Variants in HSDL2 observed in about 807,000 individuals in gnomAD.
HSDL2 encodes hydroxysteroid dehydrogenase-like protein 2.
HSDL2 carries 27 observed loss-of-function variants against 46.3 expected under a neutral mutation model. The observed-to-expected ratio is 0.58, with a 90% CI of 0.43 to 0.80. The LOEUF (loss-of-function observed/expected upper bound fraction) is 0.80. Among genes scored for constraint, HSDL2 ranks in the 30% least tolerant of loss-of-function variants. The pLI, the probability that HSDL2 is intolerant of heterozygous loss-of-function variation, is 0.00. For missense variants in HSDL2, 451 were observed against 502.7 expected, an observed-to-expected ratio of 0.90 and a Z score of 0.98; for synonymous variants, 153 against 163.6, an observed-to-expected ratio of 0.94 and a Z score of 0.50.
At chr9:112,436,242 CAA>C (rs527930574) in intron 6 of HSDL2, among the ~76,000 whole-genome samples, 24,504 of 76,626 alleles carry the variant, frequency 0.32, 1,638 homozygotes, top group Middle Eastern at 0.39. Context: ...GACCCTATCT[CAA>C]AAAAAAAAAA....
At chr9:112,458,399 C>T (rs1833098874) in intron 9 of HSDL2, among the ~76,000 whole-genome samples, 1 of 149,862 alleles carries the variant, frequency 6.7e-6, no homozygotes, top group Non-Finnish European at 1.5e-5. Context: ...GATCTTGGCT[C>T]ACTGCAACCT....
chr9:112,390,401 C>T lies in HSDL2; in HGVS notation c.17+10221C>T, dbSNP rs117275953. On this transcript the variant is annotated intron_variant, in intron 1 of 10. Transcript: ENST00000398805. Reference sequence around the variant, plus strand: ...TATGTAGGGAAAAAATGTATTAGTCCCTTACTTCAGTTCATACACAAAAAT... The same window carrying T: ...TATGTAGGGAAAAAATGTATTAGTCTCTTACTTCAGTTCATACACAAAAAT... 3.7e-3 allele frequency among the ~76,000 whole-genome samples: 559 copies of T among 152,058 alleles called. 24 individuals are homozygous for T. In the East Asian group the frequency reaches 0.095, roughly 26 times the overall value.
intron 1 of HSDL2, among the ~76,000 whole-genome samples, chr9:112,384,746 C>CA (rs1831181516): frequency 6.7e-6 from 1 of 150,172 alleles, no homozygotes; most frequent in Non-Finnish European, 1.5e-5. Flanking sequence ...TGAACAAAAA[C>CA]AGAGTTTAGC....
chr9:112,381,939 G>C (rs1336188616), intron 1 of HSDL2, among the ~76,000 whole-genome samples: 1 of 152,052 alleles, frequency 6.6e-6, no homozygotes, highest in Non-Finnish European at 1.5e-5. Flanking sequence ...GAAATTGCTG[G>C]ATCAAAGAGT....
chr9:112,417,043 T>A, intron 5 of HSDL2, 99 bp downstream of exon 5: 1 of 477,166 alleles, frequency 2.1e-6, no homozygotes, highest in South Asian at 4.8e-5. Flanking sequence ...CACATAACAT[T>A]CATCATTGAA....
At chr9:112,405,787 A>G in intron 3 of HSDL2, 65 bp downstream of exon 3, 1 of 1,026,506 alleles carries the variant, frequency 9.7e-7, no homozygotes, top group South Asian at 1.4e-5. Context: ...TATAATGTTA[A>G]TTTAAAAATT....
intron 6 of HSDL2, among the ~76,000 whole-genome samples, chr9:112,433,067 G>A (rs926740229): frequency 1.3e-5 from 2 of 152,072 alleles, no homozygotes; most frequent in African/African-American, 4.8e-5. Flanking sequence ...GATCCACCGT[G>A]CCTGGCCTAC....
intron 1 of HSDL2, among the ~76,000 whole-genome samples, chr9:112,383,630 C>T (rs1279724777): frequency 6.6e-6 from 1 of 152,172 alleles, no homozygotes; most frequent in Non-Finnish European, 1.5e-5. Flanking sequence ...AATTCTTGCA[C>T]ATATAGCGCT....
chr9:112,428,769 T>C (rs1264955679), intron 6 of HSDL2, among the ~76,000 whole-genome samples: 3 of 152,228 alleles, frequency 2.0e-5, no homozygotes, highest in South Asian at 2.1e-4. Flanking sequence ...CTTTCTCAAT[T>C]ACCCTTCCTC....
chr9:112,418,658 G>A lies in HSDL2; in HGVS notation c.500-202G>A, dbSNP rs576253714. Among the ~76,000 whole-genome samples, 48 of 151,624 alleles carry A rather than the reference G, an allele frequency of 3.2e-4. 2 individuals carry two copies. Among genetic ancestry groups the A allele is most frequent in the Admixed American group, 2.9e-3 (44 of 15,206 alleles). ...TTTTCTTCCTGATATATATGTGTGCGTGGGTGTGTTGTATGTATATGCATA... is the reference window on the plus strand; with the variant it reads ...TTTTCTTCCTGATATATATGTGTGCATGGGTGTGTTGTATGTATATGCATA... On this transcript the variant is annotated intron_variant, in intron 5 of 10. Transcript: ENST00000398805.
intron 6 of HSDL2, among the ~76,000 whole-genome samples, chr9:112,419,299 C>T (rs567847450): frequency 3.3e-5 from 5 of 152,250 alleles, no homozygotes; most frequent in East Asian, 1.9e-4. Flanking sequence ...CCACCACGCC[C>T]GGCCTGTCCT....
At chr9:112,463,579 T>C (rs1419436538) in intron 10 of HSDL2, among the ~76,000 whole-genome samples, 1 of 152,210 alleles carries the variant, frequency 6.6e-6, no homozygotes, top group African/African-American at 2.4e-5. Context: ...GGTTAACTCA[T>C]AGGTAGTACA....
intron 9 of HSDL2, among the ~76,000 whole-genome samples, chr9:112,457,920 T>C (rs1216590255): frequency 2.6e-5 from 4 of 152,042 alleles, no homozygotes; most frequent in African/African-American, 7.2e-5. Context: ...CTGCATCCTT[T>C]TGATTTCTCT....
intron 1 of HSDL2, among the ~76,000 whole-genome samples, chr9:112,402,616 A>G (rs1831630974): frequency 6.6e-6 from 1 of 150,828 alleles, no homozygotes. Context: ...CCCCATCTCC[A>G]TTTAAAAAAA....
intron 9 of HSDL2, among the ~76,000 whole-genome samples, chr9:112,454,612 T>C (rs899858366): frequency 1.3e-5 from 2 of 152,230 alleles, no homozygotes; most frequent in African/African-American, 4.8e-5. Flanking sequence ...TACAGTAATT[T>C]ATCAACCATA....
At chr9:112,382,678 G>A (rs1216954602) in intron 1 of HSDL2, among the ~76,000 whole-genome samples, 1 of 152,182 alleles carries the variant, frequency 6.6e-6, no homozygotes, top group East Asian at 1.9e-4. Context: ...GGTCAGTAGT[G>A]CAGAGGTTGA....
rs1236590863 is a variant in HSDL2 at position 112,436,963 on chromosome 9, T to TTC, written c.599-1467_599-1466insCT. On this transcript the variant is annotated intron_variant, in intron 6 of 10. Transcript: ENST00000398805. ...CTTCTCTTTCTTTTCTTTTTTTCTT[T>TTC]TTTTTTTTTTTTTTGAGACGGAGTC... Among the ~76,000 whole-genome samples the TTC allele has an allele frequency of 1.4e-3, 196 of 142,326 alleles. 2 individuals carry two copies. Among genetic ancestry groups the TTC allele is most frequent in the African/African-American group, 4.8e-3 (181 of 37,606 alleles). The allele number at this position is 142,326 out of a possible 152,430, so 93.4% of individuals were successfully genotyped here. A position where few individuals can be genotyped will look rare whatever the true frequency, so the allele number is the denominator to read the frequency against.
intron 1 of HSDL2, among the ~76,000 whole-genome samples, chr9:112,394,040 G>A: frequency 6.6e-6 from 1 of 152,194 alleles, no homozygotes; most frequent in East Asian, 1.9e-4. Context: ...TGCCGAAGAG[G>A]TAGAGGGGCA....
chr9:112,434,422 C>G (rs1832472652), intron 6 of HSDL2, among the ~76,000 whole-genome samples: 1 of 152,190 alleles, frequency 6.6e-6, no homozygotes, highest in Admixed American at 6.5e-5. Context: ...TCACCTCCTT[C>G]CTGTCTGGTG....
Sources: gnomAD v4.1 joint callset for allele counts (sites outside exome capture counted in the v4.1 genomes callset) on GRCh38, gnomAD v4.1.1 for gene constraint, MANE v1.5 for transcripts, NCBI Gene and HGNC (gene_info 2026-07-23, HGNC 2026-07-21) for gene names.